The following IL10RB variants were observed in gnomAD, a reference collection of about 807,000 sequenced individuals.
IL10RB encodes the protein interleukin 10 receptor subunit beta.
IL10RB carries 30 observed loss-of-function variants against 38.7 expected under a neutral mutation model. That is an observed-to-expected ratio of 0.78 (90% CI 0.58 to 1.05). The LOEUF is 1.05. Ranked by LOEUF, IL10RB falls within the 50% of genes least tolerant of loss-of-function variation. The probability of loss-of-function intolerance (pLI) is 0.00; values close to 1 mark genes in which losing one functional copy is unlikely to be tolerated. For synonymous variants in IL10RB, 142 were observed against 145.9 expected (o/e 0.97, Z 0.19); for missense variants, 328 against 397.1 (o/e 0.83, Z 1.48).
At chr21:33,303,772 A>C (rs1284014254) in intron 1 of IL10RB, among the ~76,000 whole-genome samples, 1 of 152,246 alleles carries the variant, frequency 6.6e-6, no homozygotes, top group Non-Finnish European at 1.5e-5. Flanking sequence ...AGAAGTGACC[A>C]GACCTACAGC....
At chr21:33,306,181 C>T (rs756111654) in intron 1 of IL10RB, among the ~76,000 whole-genome samples, 1 of 151,952 alleles carries the variant, frequency 6.6e-6, no homozygotes, top group African/African-American at 2.4e-5. Context: ...CAGGGCAGGC[C>T]CAGAGAAGAA....
At chr21:33,279,048 G>A (rs1989232321) in intron 3 of IL10RB, among the ~76,000 whole-genome samples, 1 of 152,164 alleles carries the variant, frequency 6.6e-6, no homozygotes, top group Non-Finnish European at 1.5e-5. Flanking sequence ...TGCTAATCAG[G>A]AATACAGATA....
At chr21:33,282,707 C>T (rs1402067801) in intron 4 of IL10RB, among the ~76,000 whole-genome samples, 1 of 152,090 alleles carries the variant, frequency 6.6e-6, no homozygotes, top group Non-Finnish European at 1.5e-5. Context: ...CGCCACCACG[C>T]CCGGCTAATT....
downstream of IL10RB, among the ~76,000 whole-genome samples, chr21:33,299,036 A>G (rs1310557909): frequency 1.3e-5 from 2 of 152,200 alleles, no homozygotes; most frequent in Non-Finnish European, 2.9e-5. Flanking sequence ...ACTATGCCCT[A>G]TATAAATCAA....
intron 6 of IL10RB, among the ~76,000 whole-genome samples, chr21:33,294,618 T>G (rs887463726): frequency 3.3e-5 from 5 of 151,882 alleles, no homozygotes; most frequent in African/African-American, 1.2e-4. Flanking sequence ...CATCAGCTGC[T>G]CAAAACCCAC....
chr21:33,292,170 T>G (rs1420967225), intron 6 of IL10RB, among the ~76,000 whole-genome samples: 1 of 152,168 alleles, frequency 6.6e-6, no homozygotes, highest in Admixed American at 6.5e-5. Flanking sequence ...CCAGGGCCCC[T>G]GACCACCAGG....
At chr21:33,269,751 C>T (rs528934205) in intron 2 of IL10RB, among the ~76,000 whole-genome samples, 12 of 151,176 alleles carry the variant, frequency 7.9e-5, no homozygotes, top group Non-Finnish European at 1.6e-4. Context: ...CTCTGCCTCT[C>T]GGGTTCACGC....
At chr21:33,267,481 CG>C (rs1445959027) in intron 1 of IL10RB, among the ~76,000 whole-genome samples, 1 of 144,570 alleles carries the variant, frequency 6.9e-6, no homozygotes, top group Non-Finnish European at 1.5e-5. Flanking sequence ...TTTCTTCTTC[CG>C]TTTTTTTTTT....
At chr21:33,305,748 C>T (rs1237830359) in intron 1 of IL10RB, among the ~76,000 whole-genome samples, 11 of 152,176 alleles carry the variant, frequency 7.2e-5, no homozygotes. Context: ...TGTCCCCCAC[C>T]CTCTGATCTT....
At chr21:33,300,470 C>T (rs893474946), downstream of IL10RB, among the ~76,000 whole-genome samples, 15 of 151,214 alleles carry the variant, frequency 9.9e-5, no homozygotes, top group African/African-American at 3.6e-4. Flanking sequence ...AAACAAAAGC[C>T]TTCTTGGGAT....
At chr21:33,304,233 G>A (rs2082992978) in intron 1 of IL10RB, among the ~76,000 whole-genome samples, 1 of 152,226 alleles carries the variant, frequency 6.6e-6, no homozygotes, top group African/African-American at 2.4e-5. Context: ...CTCCCAGGGG[G>A]AATGTTGGCA....
chr21:33,291,474 C>T (rs1421115887), intron 6 of IL10RB, among the ~76,000 whole-genome samples: 2 of 152,166 alleles, frequency 1.3e-5, no homozygotes, highest in African/African-American at 4.8e-5. Flanking sequence ...CCATGTTGGC[C>T]AGGCTGGTCT....
rs73191805 is a variant in IL10RB, at chr21:33,282,694, G to A, written c.499-400G>A. On this transcript the variant is annotated intron_variant, in intron 4 of 6. Transcript: ENST00000290200. ...CACCTCCCAAGTTCAAGCGATTCTC[G>A]TGCGCCACCACGCCCGGCTAATTTT... Among the ~76,000 whole-genome samples, 1,353 of 152,032 alleles carry A rather than the reference G, an allele frequency of 8.9e-3. 12 individuals are homozygous for A. Among genetic ancestry groups the A allele is most frequent in the Non-Finnish European group, 0.015 (997 of 67,972 alleles).
At chr21:33,306,005 T>G (rs2123615901) in intron 1 of IL10RB, among the ~76,000 whole-genome samples, 1 of 152,224 alleles carries the variant, frequency 6.6e-6, no homozygotes, top group African/African-American at 2.4e-5. Context: ...CTAATTTTTG[T>G]ATTTTTAGTA....
At chr21:33,283,288 A>G (rs376301486) in intron 5 of IL10RB, 47 bp downstream of exon 5, 24 of 1,585,310 alleles carry the variant, frequency 1.5e-5, no homozygotes, top group Non-Finnish European at 2.1e-5. Context: ...ACAGCTTTAT[A>G]GACACCTGCC....
chr21:33,286,371 G>A (rs184176765), intron 5 of IL10RB, among the ~76,000 whole-genome samples: 4 of 152,260 alleles, frequency 2.6e-5, no homozygotes, highest in Non-Finnish European at 5.9e-5. Flanking sequence ...TCGTGAGGGC[G>A]GTGCTGGTTG....
intron 3 of IL10RB, among the ~76,000 whole-genome samples, chr21:33,278,686 T>C (rs564849698): frequency 2.4e-4 from 37 of 152,348 alleles, no homozygotes; most frequent in African/African-American, 8.2e-4. Flanking sequence ...TAGCAACTAC[T>C]ACCCAATATT....
chr21:33,269,306 G>A (rs1242991975), intron 2 of IL10RB, among the ~76,000 whole-genome samples: 1 of 152,230 alleles, frequency 6.6e-6, no homozygotes. Flanking sequence ...ATGCTGGACT[G>A]CAGGTGACAC....
chr21:33,306,952 TC>T (rs2083000385), intron 1 of IL10RB, among the ~76,000 whole-genome samples: 1 of 151,984 alleles, frequency 6.6e-6, no homozygotes, highest in African/African-American at 2.4e-5. Context: ...CTGGTAACCT[TC>T]CACTTCTTCT....
Sources: allele counts gnomAD v4.1 joint callset (sites outside exome capture counted in the v4.1 genomes callset), GRCh38; gene constraint gnomAD v4.1.1; transcripts MANE v1.5; gene names NCBI Gene and HGNC (gene_info 2026-07-23, HGNC 2026-07-21).